The following STPG2 variants were observed in gnomAD, a reference collection of about 807,000 sequenced individuals.
STPG2 encodes sperm-tail PG-rich repeat-containing protein 2.
Under a neutral mutation model 54.2 loss-of-function variants are expected in STPG2, and 56 were observed. That is an observed-to-expected ratio of 1.03 (90% CI 0.83 to 1.29). STPG2 has a LOEUF of 1.29. Ranked by LOEUF, STPG2 falls within the 50% of genes most tolerant of loss-of-function variation. STPG2 has a pLI of 0.00. For missense variants in STPG2, 596 were observed against 544.9 expected, an observed-to-expected ratio of 1.09 and a Z score of -0.93; for synonymous variants, 200 against 181.8, an observed-to-expected ratio of 1.10 and a Z score of -0.81.
chr4:97,518,145 T>C (rs963380869), intron 4 of STPG2, among the ~76,000 whole-genome samples: 1 of 152,130 alleles, frequency 6.6e-6, no homozygotes, highest in African/African-American at 2.4e-5. Context: ...TAATGGTATG[T>C]GCAGGCTGAC....
chr4:97,677,488 G>C (rs1204249293), intron 10 of STPG2, among the ~76,000 whole-genome samples: 2 of 152,198 alleles, frequency 1.3e-5, no homozygotes, highest in African/African-American at 4.8e-5. Flanking sequence ...ATATGGCAGA[G>C]ACTGCTAATT....
At chr4:97,566,946 T>A (rs1315064370) in intron 10 of STPG2, among the ~76,000 whole-genome samples, 1 of 151,616 alleles carries the variant, frequency 6.6e-6, no homozygotes, top group African/African-American at 2.4e-5. Flanking sequence ...GATGAGTTAA[T>A]GGGCGCAGCA....
At chr4:98,003,429 T>C (rs888088875) in intron 5 of STPG2, among the ~76,000 whole-genome samples, 5 of 151,998 alleles carry the variant, frequency 3.3e-5, no homozygotes, top group Non-Finnish European at 5.9e-5. Flanking sequence ...AAAAAACACA[T>C]TGAGCTGGGA....
At chr4:97,954,839 C>T (rs1042763235) in intron 7 of STPG2, among the ~76,000 whole-genome samples, 10 of 151,346 alleles carry the variant, frequency 6.6e-5, no homozygotes, top group Admixed American at 5.9e-4. Flanking sequence ...ATAGGGCATG[C>T]CAAAAAACAG....
At chr4:97,790,186 A>T (rs1215330143) in intron 9 of STPG2, among the ~76,000 whole-genome samples, 1 of 152,162 alleles carries the variant, frequency 6.6e-6, no homozygotes, top group Non-Finnish European at 1.5e-5. Flanking sequence ...ACAACGGCAC[A>T]TCTGGAGCAA....
At chr4:98,089,491 C>T (rs773845044) in intron 5 of STPG2, among the ~76,000 whole-genome samples, 2 of 151,504 alleles carry the variant, frequency 1.3e-5, no homozygotes, top group East Asian at 1.9e-4. Flanking sequence ...TTTGCAATTG[C>T]GAACTGTGCT....
In STPG2 at chr4:97,442,665, G is replaced by A. The variant is rs1447673425; in HGVS notation, c.463-254832C>T. Among the ~76,000 whole-genome samples, 6 of 152,236 alleles carry A rather than the reference G, an allele frequency of 3.9e-5. No individual in the cohort carries two copies. In the South Asian group the frequency reaches 6.2e-4, roughly 16 times the overall value. On this transcript the variant is annotated intron_variant, in intron 4 of 4. Coordinates refer to the STPG2 transcript ENST00000522676. ...GAAGGCTTATTTAACAGAGGGCTTC[G>A]AATGGAAGTGAGCATGCCTGGAATA... is the stretch of plus-strand genomic sequence containing the variant.
intron 10 of STPG2, among the ~76,000 whole-genome samples, chr4:97,707,097 A>G (rs1235445562): frequency 1.3e-5 from 2 of 152,162 alleles, no homozygotes; most frequent in African/African-American, 4.8e-5. Flanking sequence ...TATTAGGCTT[A>G]AGTAGGAGGC....
At chr4:97,952,195 T>C (rs1313901995) in intron 7 of STPG2, among the ~76,000 whole-genome samples, 4 of 151,984 alleles carry the variant, frequency 2.6e-5, no homozygotes, top group Non-Finnish European at 5.9e-5. Context: ...CCCTGAAATG[T>C]TTGAAAAAGG....
intron 5 of STPG2, among the ~76,000 whole-genome samples, chr4:98,050,313 GA>G (rs1737276612): frequency 6.6e-6 from 1 of 152,130 alleles, no homozygotes; most frequent in Non-Finnish European, 1.5e-5. Flanking sequence ...ATTGAAGAAG[GA>G]AAGTAGAAAT....
intron 7 of STPG2, among the ~76,000 whole-genome samples, chr4:97,962,481 C>T (rs1376772269): frequency 6.6e-6 from 1 of 152,090 alleles, no homozygotes; most frequent in Non-Finnish European, 1.5e-5. Context: ...TGCAATTAAA[C>T]ACAAGGTTTA....
At chr4:97,791,224 T>C (rs747557695) in intron 9 of STPG2, among the ~76,000 whole-genome samples, 3 of 152,152 alleles carry the variant, frequency 2.0e-5, no homozygotes, top group Non-Finnish European at 4.4e-5. Flanking sequence ...CTAAAAAAAA[T>C]ATATTGTATA....
rs1353561275 is a variant in STPG2 at position 97,676,564 on chromosome 4, AG to A, written c.1320+36134del. Among the ~76,000 whole-genome samples the A allele has an allele frequency of 1.6e-4, 21 of 127,598 alleles. 1 individual carries two copies. Among genetic ancestry groups the A allele is most frequent in the African/African-American group, 5.6e-4 (19 of 34,132 alleles). The allele number at this position is 127,598 out of a possible 152,430, so 83.7% of individuals were successfully genotyped here. A position where few individuals can be genotyped will look rare whatever the true frequency, so the allele number is the denominator to read the frequency against. On this transcript the variant is annotated intron_variant, in intron 10 of 10. Coordinates refer to ENST00000295268, the MANE Select transcript of STPG2 (RefSeq NM_174952.3). ...AAGAAAGGAAGGAAGGAAGGAAGGA[AG>A]GAAGGAAGGAAAGGAGGGAGGGAGG...
At chr4:97,877,134 T>C (rs898937997) in intron 8 of STPG2, among the ~76,000 whole-genome samples, 1 of 152,194 alleles carries the variant, frequency 6.6e-6, no homozygotes, top group Admixed American at 6.5e-5. Context: ...AATTTTGAAA[T>C]ATACATTTAC....
intron 10 of STPG2, among the ~76,000 whole-genome samples, chr4:97,645,482 T>C (rs1350339349): frequency 1.3e-5 from 2 of 152,142 alleles, no homozygotes; most frequent in Non-Finnish European, 2.9e-5. Context: ...GAGTTGCAAA[T>C]ACTGTATCCA....
At chr4:97,759,098 T>A (rs764642966) in intron 9 of STPG2, among the ~76,000 whole-genome samples, 3 of 152,060 alleles carry the variant, frequency 2.0e-5, no homozygotes, top group Non-Finnish European at 4.4e-5. Context: ...GTGAGGGAAG[T>A]CTCAAAGAAA....
intron 9 of STPG2, among the ~76,000 whole-genome samples, chr4:97,732,992 T>C (rs529609389): frequency 3.3e-5 from 5 of 152,160 alleles, no homozygotes; most frequent in Non-Finnish European, 5.9e-5. Context: ...TTCTTGGGAA[T>C]GTAAATTAGT....
At chr4:97,909,073 C>A (rs190768749) in intron 8 of STPG2, among the ~76,000 whole-genome samples, 29 of 149,912 alleles carry the variant, frequency 1.9e-4, no homozygotes, top group African/African-American at 7.1e-4. Context: ...ATAAACAACC[C>A]ATCAAGCCCC....
chr4:97,807,693 A>G (rs1727614226), intron 9 of STPG2, among the ~76,000 whole-genome samples: 1 of 151,934 alleles, frequency 6.6e-6, no homozygotes, highest in African/African-American at 2.4e-5. Flanking sequence ...TGGAATTGAA[A>G]AGTGGGCAGG....
Sources: allele counts gnomAD v4.1 joint callset (sites outside exome capture counted in the v4.1 genomes callset), GRCh38; gene constraint gnomAD v4.1.1; transcripts MANE v1.5; gene names NCBI Gene and HGNC (gene_info 2026-07-23, HGNC 2026-07-21).